NECAB2: variants seen among roughly 807,000 people sequenced by gnomAD.
The protein encoded by NECAB2 is N-terminal EF-hand calcium binding protein 2.
Under a neutral mutation model 51.9 loss-of-function variants are expected in NECAB2, and 68 were observed. The observed-to-expected ratio is 1.31, with a 90% CI of 1.08 to 1.60. The LOEUF is 1.60. Among genes scored for constraint, NECAB2 ranks in the 40% most tolerant of loss-of-function variants. NECAB2 has a pLI of 0.00. For missense variants in NECAB2, 854 were observed against 490.3 expected (o/e 1.74, Z -7.00); for synonymous variants, 329 against 203.5 (o/e 1.62, Z -5.25).
At chr16:83,987,233 T>A (rs951249874) in intron 5 of NECAB2, among the ~76,000 whole-genome samples, 1 of 152,218 alleles carries the variant, frequency 6.6e-6, no homozygotes, top group Non-Finnish European at 1.5e-5. Flanking sequence ...TTTCAGAGAC[T>A]TTGACTATTC....
chr16:84,001,021 T>G (rs2084821298), intron 11 of NECAB2, among the ~76,000 whole-genome samples: 1 of 152,086 alleles, frequency 6.6e-6, no homozygotes, highest in South Asian at 2.1e-4. Context: ...TGGGCTTTCC[T>G]GCTTTCCCCA....
At position 83,997,225 on chromosome 16, in the gene NECAB2, T is replaced by C; in HGVS notation, c.805T>C (p.Phe269Leu). The C allele has an allele frequency of 3.7e-6, 6 of 1,614,092 alleles. No individual in the cohort carries two copies. Among genetic ancestry groups the C allele is most frequent in the Admixed American group, 1.7e-5 (1 of 60,020 alleles). The change falls in exon 9 of 13, where the codon TTC becomes CTC. Residue 269 changes from phenylalanine (F) to leucine (L), a missense_variant. Coordinates refer to ENST00000305202, the MANE Select transcript of NECAB2 (RefSeq NM_019065.3). ...TGCTGGATTGTTTCAGGCACTGTGG[T>C]TCGACCTGCAGCAGCGCCTGTCAGA... Reference protein sequence around the residue: ...IGRLESKALWFDLQQRLSDED... With the variant: ...IGRLESKALWLDLQQRLSDED...
chr16:83,981,176 C>A, intron 5 of NECAB2, 49 bp downstream of exon 5: 1 of 1,263,362 alleles, frequency 7.9e-7, no homozygotes, highest in Non-Finnish European at 1.1e-6. Flanking sequence ...AGTGCTGCTT[C>A]AGTTCCACCC....
At chr16:83,998,340 G>T (rs1389352019) in intron 10 of NECAB2, 23 bp downstream of exon 10, 1 of 1,606,858 alleles carries the variant, frequency 6.2e-7, no homozygotes, top group Non-Finnish European at 8.5e-7. Flanking sequence ...CCGAGGCGTG[G>T]GTGGGATGGT....
At position 83,968,499 on chromosome 16, in the gene NECAB2, CCGGCCAGTCCCCGCGGTGT is replaced by C; in HGVS notation, c.-148_-130del. On this transcript the variant is annotated 5_prime_UTR_variant, in exon 1 of 13. Transcript: ENST00000305202. ...GGTCCGGCCGGCCCGCCCCCCGGCGCCGGCCAGTCCCCGCGGTGTCCGCGGCCGCGGGGGCAGCGGGAGA... is the reference window on the plus strand; with the variant it reads ...GGTCCGGCCGGCCCGCCCCCCGGCGCCCGCGGCCGCGGGGGCAGCGGGAGA... The C allele has an allele frequency of 1.8e-6, 1 of 549,070 alleles. No individual in the cohort carries two copies. Among genetic ancestry groups the C allele is most frequent in the Non-Finnish European group, 2.3e-6 (1 of 434,952 alleles). 34.0% of individuals were successfully genotyped at this position (549,070 alleles called of 1,614,324 possible). A position where few individuals can be genotyped will look rare whatever the true frequency, so the allele number is the denominator to read the frequency against.
rs56106144 is a variant in NECAB2 at position 84,002,432 on chromosome 16, T to C, written c.*86T>C. 5.4e-5 allele frequency: 81 copies of C among 1,501,306 alleles called. No homozygotes were observed. In the African/African-American group the frequency reaches 1.1e-3, roughly 20 times the overall value. The allele number at this position is 1,501,306 out of a possible 1,614,324, so 93.0% of individuals were successfully genotyped here. On this transcript the variant is annotated 3_prime_UTR_variant, in exon 13 of 13. Coordinates refer to ENST00000305202, the MANE Select transcript of NECAB2 (RefSeq NM_019065.3). ...GTTTTTTTCTAGACAGACACTTTGG[T>C]GCAGAAGCTTCTTTTCAATCCATCC...
chr16:83,965,833 G>A (rs1401778159), upstream of NECAB2: 1 of 1,613,034 alleles, frequency 6.2e-7, no homozygotes, highest in East Asian at 2.2e-5. Flanking sequence ...ACCAGCCGCT[G>A]AGCGCCAAGA....
intron 12 of NECAB2, 130 bp from the exon 13 acceptor site, chr16:84,002,188 C>T: frequency 8.1e-7 from 1 of 1,232,418 alleles, no homozygotes; most frequent in Admixed American, 1.7e-5. Flanking sequence ...ACCTGGGTGA[C>T]CAGCAAGGAC....
At chr16:83,965,350 G>A (rs1319630836), upstream of NECAB2, 1 of 1,571,716 alleles carries the variant, frequency 6.4e-7, no homozygotes, top group Non-Finnish European at 8.6e-7. Flanking sequence ...GCATCCCCGG[G>A]GAGGCCCTGC....
chr16:83,965,718 G>A, upstream of NECAB2: 1 of 1,613,678 alleles, frequency 6.2e-7, no homozygotes, highest in Non-Finnish European at 8.5e-7. Flanking sequence ...GACCTCGAGG[G>A]TGTCGAGAAG....
chr16:83,992,060 C>T (rs79430695), intron 6 of NECAB2, among the ~76,000 whole-genome samples: 10,760 of 152,238 alleles, frequency 0.071, 498 homozygotes, highest in Middle Eastern at 0.13. Context: ...AAGCACCTGT[C>T]ATTGTTTACG....
intron 5 of NECAB2, among the ~76,000 whole-genome samples, chr16:83,990,101 C>T (rs929719394): frequency 2.2e-4 from 33 of 152,212 alleles, no homozygotes; most frequent in African/African-American, 7.2e-4. Context: ...ACTATCACTG[C>T]CACCATCACC....
In NECAB2 at chr16:83,998,334, G is replaced by A. The variant is rs1211495104; in HGVS notation, c.962+17G>A. The A allele has an allele frequency of 1.9e-6, 3 of 1,610,484 alleles. No individual in the cohort carries two copies. Among genetic ancestry groups the A allele is most frequent in the East Asian group, 2.2e-5 (1 of 44,850 alleles). ...CTGCTTCCAGTGAGTGAGCTGCCGA[G>A]GCGTGGGTGGGATGGTGGCAGGGAG... On this transcript the variant is annotated intron_variant, in intron 10 of 12. Transcript: ENST00000305202.
intron 5 of NECAB2, among the ~76,000 whole-genome samples, chr16:83,983,546 G>A (rs1165523438): frequency 2.6e-5 from 4 of 152,162 alleles, no homozygotes; most frequent in African/African-American, 4.8e-5. Flanking sequence ...GAGGGTGGTG[G>A]TGAATTTTTT....
At position 84,002,517 on chromosome 16, in the gene NECAB2, G is replaced by A. The variant is rs1157128192; in HGVS notation, c.*171G>A. ...GGAGGCCGCCCCTGCCCCCACCTGA[G>A]AAGGCAGAGCAGTGTCTGTGCTGCC... On this transcript the variant is annotated 3_prime_UTR_variant, in exon 13 of 13. Coordinates refer to ENST00000305202, the MANE Select transcript of NECAB2 (RefSeq NM_019065.3). 6 of 834,232 alleles carry A rather than the reference G, an allele frequency of 7.2e-6. No individual in the cohort carries two copies. The highest frequency in any genetic ancestry group is 6.3e-5 in the South Asian group (4 of 63,206). The allele number at this position is 834,232 out of a possible 1,614,324, so 51.7% of individuals were successfully genotyped here.
At chr16:83,998,877 T>G (rs55720145) in intron 10 of NECAB2, among the ~76,000 whole-genome samples, 2,836 of 152,312 alleles carry the variant, frequency 0.019, 81 homozygotes, top group African/African-American at 0.064. Context: ...CCCACCAGGC[T>G]GATGTAGCTC....
At position 84,000,815 on chromosome 16, in the gene NECAB2, T is replaced by TC; in HGVS notation, c.1040+18dup. ...GGCGTGGAAGAGGTGAGATGCTGGG[T>TC]CCCCACAGCAGGTGAGGGAGACAGA... On this transcript the variant is annotated intron_variant, in intron 11 of 12. Coordinates refer to ENST00000305202, the MANE Select transcript of NECAB2 (RefSeq NM_019065.3). 1.2e-6 allele frequency: 2 copies of TC among 1,611,634 alleles called. No homozygotes were observed. The highest frequency in any genetic ancestry group is 8.5e-7 in the Non-Finnish European group (1 of 1,178,450).
chr16:83,968,152 G>T (rs1396321337), upstream of NECAB2, among the ~76,000 whole-genome samples: 1 of 151,568 alleles, frequency 6.6e-6, no homozygotes, highest in Non-Finnish European at 1.5e-5. Context: ...GGGCGCCCGC[G>T]GGCGTGACGG....
At chr16:83,971,776 G>A in intron 1 of NECAB2, 1 of 372,260 alleles carries the variant, frequency 2.7e-6, no homozygotes, top group Non-Finnish European at 4.9e-6. Context: ...GGCGCTCCCT[G>A]GGACACTGAT....
Sources: allele counts gnomAD v4.1 joint callset (sites outside exome capture counted in the v4.1 genomes callset), GRCh38; gene constraint gnomAD v4.1.1; transcripts MANE v1.5; gene names NCBI Gene and HGNC (gene_info 2026-07-23, HGNC 2026-07-21).